The following TSC22D1 variants were observed in gnomAD, a reference collection of about 807,000 sequenced individuals.
The protein encoded by TSC22D1 is TSC22 domain family member 1, also known as TSC22 domain family protein 1.
TSC22D1 carries 9 observed loss-of-function variants against 74.2 expected under a neutral mutation model. The observed-to-expected ratio is 0.12, with a 90% CI of 0.07 to 0.21. TSC22D1 has a LOEUF of 0.21. TSC22D1 is among the 10% of genes least tolerant of loss of function. TSC22D1 has a pLI of 1.00. For synonymous variants in TSC22D1, 586 were observed against 492.5 expected, an observed-to-expected ratio of 1.19 and a Z score of -2.51; for missense variants, 1,427 against 1,304.7, an observed-to-expected ratio of 1.09 and a Z score of -1.44.
At chr13:44,441,598 AG>A (rs1173950730) in intron 1 of TSC22D1, among the ~76,000 whole-genome samples, 3 of 152,308 alleles carry the variant, frequency 2.0e-5, no homozygotes, top group African/African-American at 7.2e-5. Flanking sequence ...AAATAGTGTA[AG>A]TATAAATATA....
intron 1 of TSC22D1, among the ~76,000 whole-genome samples, chr13:44,550,945 A>T (rs1344252620): frequency 1.3e-5 from 2 of 150,474 alleles, no homozygotes; most frequent in South Asian, 2.1e-4. Flanking sequence ...GTCTCAAAAA[A>T]AAAAAATAAA....
At chr13:44,443,035 AAAG>A (rs1875336538) in intron 1 of TSC22D1, among the ~76,000 whole-genome samples, 1 of 152,144 alleles carries the variant, frequency 6.6e-6, no homozygotes, top group East Asian at 1.9e-4. Context: ...AAAAAAAAAA[AAAG>A]GAGAGAAAAC....
chr13:44,544,159 GATTA>G (rs1881661851), intron 1 of TSC22D1, among the ~76,000 whole-genome samples: 1 of 152,052 alleles, frequency 6.6e-6, no homozygotes, highest in Non-Finnish European at 1.5e-5. Flanking sequence ...AACTTCTAAG[GATTA>G]ATTTTTTAGT....
intron 1 of TSC22D1, among the ~76,000 whole-genome samples, chr13:44,556,779 T>A (rs1882669080): frequency 6.6e-6 from 1 of 151,898 alleles, no homozygotes; most frequent in African/African-American, 2.4e-5. Context: ...GGCAGGAGAA[T>A]CCTTTAAACC....
In TSC22D1 at chr13:44,493,385, T is replaced by G. The variant is rs189292318; in HGVS notation, c.2913-57290A>C. Among the ~76,000 whole-genome samples, 462 of 152,330 alleles carry G rather than the reference T, an allele frequency of 3.0e-3. 1 individual carries two copies. Among genetic ancestry groups the G allele is most frequent in the Non-Finnish European group, 5.7e-3 (388 of 68,040 alleles). On this transcript the variant is annotated intron_variant, in intron 1 of 2. Transcript: ENST00000458659. Reference sequence around the variant, plus strand: ...CTGACAAAAGACACTTGCCTTACTTTCACCTAACTCAAGACTTTCTCAAGG... The same window carrying G: ...CTGACAAAAGACACTTGCCTTACTTGCACCTAACTCAAGACTTTCTCAAGG...
chr13:44,546,572 A>G (rs1881838884), intron 1 of TSC22D1, among the ~76,000 whole-genome samples: 1 of 152,196 alleles, frequency 6.6e-6, no homozygotes, highest in Non-Finnish European at 1.5e-5. Flanking sequence ...ACCAAGTACA[A>G]TATGAATTCC....
chr13:44,490,130 C>T (rs2137954992), intron 1 of TSC22D1, among the ~76,000 whole-genome samples: 1 of 152,250 alleles, frequency 6.6e-6, no homozygotes, highest in Admixed American at 6.5e-5. Context: ...CATACTTGTA[C>T]AAATAGTATA....
At chr13:44,472,828 C>T (rs1877685673) in intron 1 of TSC22D1, among the ~76,000 whole-genome samples, 1 of 152,170 alleles carries the variant, frequency 6.6e-6, no homozygotes, top group African/African-American at 2.4e-5. Context: ...TTCCTTCTAT[C>T]CCTCAAATTC....
At chr13:44,566,995 A>T (rs898483950) in intron 1 of TSC22D1, among the ~76,000 whole-genome samples, 2 of 152,182 alleles carry the variant, frequency 1.3e-5, no homozygotes, top group Admixed American at 1.3e-4. Flanking sequence ...AGTCCTACAG[A>T]TTCCCAACTG....
chr13:44,479,356 C>G (rs1230902803), intron 1 of TSC22D1, among the ~76,000 whole-genome samples: 1 of 143,092 alleles, frequency 7.0e-6, no homozygotes, highest in African/African-American at 2.6e-5. Flanking sequence ...CACCAGCTAT[C>G]ATTAGTGTTA....
rs554222935 is a variant in TSC22D1, at chr13:44,437,431, AT to A, written c.2913-1337del. The A allele has an allele frequency of 8.4e-4, 174 of 207,502 alleles. 2 individuals are homozygous for A. Among genetic ancestry groups the A allele is most frequent in the South Asian group, 2.0e-3 (12 of 5,874 alleles). 12.9% of individuals were successfully genotyped at this position (207,502 alleles called of 1,614,324 possible). A position where few individuals can be genotyped will look rare whatever the true frequency, so the allele number is the denominator to read the frequency against. On this transcript the variant is annotated intron_variant, in intron 1 of 2. Transcript: ENST00000458659. Reference sequence around the variant, plus strand: ...TTTTTTTAATTTTAGAGGAAAAAAAATCACATTTGCTCTTTGAGAGATACTA... The same window carrying A: ...TTTTTTTAATTTTAGAGGAAAAAAAACACATTTGCTCTTTGAGAGATACTA...
intron 1 of TSC22D1, among the ~76,000 whole-genome samples, chr13:44,552,401 T>G (rs2138155497): frequency 6.6e-6 from 1 of 152,310 alleles, no homozygotes; most frequent in East Asian, 1.9e-4. Flanking sequence ...TGATGGCAAT[T>G]GAAGCACGTA....
chr13:44,452,134 A>C (rs1249326882), intron 1 of TSC22D1, among the ~76,000 whole-genome samples: 1 of 152,242 alleles, frequency 6.6e-6, no homozygotes, highest in Non-Finnish European at 1.5e-5. Context: ...AAAGCTATCA[A>C]ATAACAGAAC....
intron 1 of TSC22D1, among the ~76,000 whole-genome samples, chr13:44,546,523 G>A (rs1338201116): frequency 1.3e-5 from 2 of 152,136 alleles, no homozygotes; most frequent in East Asian, 3.9e-4. Flanking sequence ...AAAGAATGAA[G>A]AGCAGGCCTA....
chr13:44,528,876 A>G (rs1178722070), intron 1 of TSC22D1, among the ~76,000 whole-genome samples: 1 of 152,116 alleles, frequency 6.6e-6, no homozygotes, highest in Non-Finnish European at 1.5e-5. Context: ...AAATTTGTTA[A>G]GTTAGATGAA....
chr13:44,458,559 A>G (rs1460340170), intron 1 of TSC22D1, among the ~76,000 whole-genome samples: 1 of 152,060 alleles, frequency 6.6e-6, no homozygotes, highest in Non-Finnish European at 1.5e-5. Context: ...CCAAGTTAGC[A>G]GGACAGAAGC....
At chr13:44,493,888 G>A (rs1878835439) in intron 1 of TSC22D1, among the ~76,000 whole-genome samples, 1 of 152,128 alleles carries the variant, frequency 6.6e-6, no homozygotes, top group Non-Finnish European at 1.5e-5. Context: ...CTAACAAACA[G>A]ACACTTCAGA....
Position 44,573,241 on chromosome 13 carries a change from C to G in TSC22D1, c.2834G>C (p.Ser945Thr). The change falls in exon 1 of 3, where the codon AGC becomes ACC. Residue 945 changes from serine (S) to threonine (T), a missense_variant. Physicochemically the swap from Ser to Thr is moderately conservative, Grantham distance 58. Coordinates refer to ENST00000458659, the MANE Select transcript of TSC22D1 (RefSeq NM_183422.4). ...GAAAAGAGAAGCAGAGGCTGCTAGG[C>G]TGCTGCTACTCCCATCTGAAACTGC... ...MSAVSDGSSS[S>T]LAASASLFPL... 6.2e-7 allele frequency: 1 copy of G among 1,614,238 alleles called. No homozygotes were observed. The highest frequency in any genetic ancestry group is 8.5e-7 in the Non-Finnish European group (1 of 1,180,038).
At position 44,506,845 on chromosome 13, in the gene TSC22D1, AGAG is replaced by A. The variant is rs1879471509; in HGVS notation, c.2912+66315_2912+66317del. Among the ~76,000 whole-genome samples the A allele has an allele frequency of 2.0e-5, 3 of 152,288 alleles. No homozygotes were observed. In the South Asian group the frequency reaches 6.2e-4, roughly 32 times the overall value. On this transcript the variant is annotated intron_variant, in intron 1 of 2. Coordinates refer to ENST00000458659, the MANE Select transcript of TSC22D1 (RefSeq NM_183422.4). ...ACTACAGTGGTGATAATGGGGATAG[AGAG>A]GAGAAGAACAAAAAGGCAAGACACT...
Sources: gnomAD v4.1 joint callset for allele counts (sites outside exome capture counted in the v4.1 genomes callset) on GRCh38, gnomAD v4.1.1 for gene constraint, MANE v1.5 for transcripts, NCBI Gene and HGNC (gene_info 2026-07-23, HGNC 2026-07-21) for gene names.